The following GTF2F2 variants were observed in gnomAD, a reference collection of about 807,000 sequenced individuals.
GTF2F2 encodes the protein ATP-dependent helicase GTF2F2.
Under a neutral mutation model 42.2 loss-of-function variants are expected in GTF2F2, and 23 were observed. The ratio of observed to expected loss-of-function variants is 0.55; its 90% confidence interval spans 0.39 to 0.77. The LOEUF is 0.77. Ranked by LOEUF, GTF2F2 falls within the 30% of genes least tolerant of loss-of-function variation. The pLI is 0.00. For synonymous variants in GTF2F2, 105 were observed against 100.8 expected (o/e 1.04, Z -0.25); for missense variants, 261 against 287.2 (o/e 0.91, Z 0.66).
chr13:45,146,188 G>A (rs928040955), intron 2 of GTF2F2, among the ~76,000 whole-genome samples: 22 of 152,022 alleles, frequency 1.4e-4, no homozygotes, highest in African/African-American at 5.3e-4. Flanking sequence ...TTCAGTTAGG[G>A]GAAGTATGAA....
chr13:45,185,729 T>C (rs1285975084), intron 4 of GTF2F2, among the ~76,000 whole-genome samples: 1 of 152,222 alleles, frequency 6.6e-6, no homozygotes, highest in Non-Finnish European at 1.5e-5. Context: ...CAATTAAAGA[T>C]TGTTTTTTAA....
At chr13:45,173,369 CTGTG>C (rs374858973) in intron 4 of GTF2F2, among the ~76,000 whole-genome samples, 84 of 147,408 alleles carry the variant, frequency 5.7e-4, no homozygotes, top group Non-Finnish European at 9.2e-4. Context: ...TTGTACTTAA[CTGTG>C]TGTGTGTGTG....
At chr13:45,247,614 G>C (rs1483510321) in intron 5 of GTF2F2, among the ~76,000 whole-genome samples, 1 of 151,912 alleles carries the variant, frequency 6.6e-6, no homozygotes, top group Non-Finnish European at 1.5e-5. Context: ...GGATGGTCTC[G>C]ATCTGACCTC....
chr13:45,151,334 T>C (rs1870481812), intron 3 of GTF2F2, among the ~76,000 whole-genome samples: 2 of 152,188 alleles, frequency 1.3e-5, no homozygotes, highest in African/African-American at 4.8e-5. Flanking sequence ...CCCATTATTC[T>C]GACAAATGGG....
intron 5 of GTF2F2, among the ~76,000 whole-genome samples, chr13:45,236,543 C>T (rs1460034425): frequency 6.6e-6 from 1 of 150,444 alleles, no homozygotes; most frequent in Non-Finnish European, 1.5e-5. Flanking sequence ...TTATGAGGCT[C>T]AGTGTAGATA....
intron 1 of GTF2F2, among the ~76,000 whole-genome samples, chr13:45,123,808 T>G (rs1234243391): frequency 6.6e-6 from 1 of 151,364 alleles, no homozygotes; most frequent in Non-Finnish European, 1.5e-5. Context: ...TTTTTTTTTT[T>G]TTGGCTGAGC....
At chr13:45,272,535 G>A (rs1663584484) in intron 7 of GTF2F2, among the ~76,000 whole-genome samples, 2 of 151,126 alleles carry the variant, frequency 1.3e-5, no homozygotes, top group Admixed American at 1.3e-4. Context: ...TTGAGCTCAG[G>A]AGTTCAAGAC....
In GTF2F2 at chr13:45,275,301, TTTA is replaced by T. The variant is rs374043984; in HGVS notation, c.630+7946_630+7948del. On this transcript the variant is annotated intron_variant, in intron 7 of 7. Coordinates refer to ENST00000340473, the MANE Select transcript of GTF2F2 (RefSeq NM_004128.3). ...ATCAAGTTCTGGATATAAAATGGTG[TTTA>T]TTATTATTATTATTATTATTTAAGT... 1.6e-4 allele frequency among the ~76,000 whole-genome samples: 24 copies of T among 151,610 alleles called. No homozygotes were observed. In the South Asian group the frequency reaches 1.7e-3, roughly 11 times the overall value.
intron 5 of GTF2F2, among the ~76,000 whole-genome samples, chr13:45,215,819 G>A (rs1389706891): frequency 6.6e-6 from 1 of 151,896 alleles, no homozygotes; most frequent in Non-Finnish European, 1.5e-5. Context: ...GAAACTCAGT[G>A]GTAGAGATCA....
chr13:45,129,301 C>G (rs1404743514), intron 1 of GTF2F2, among the ~76,000 whole-genome samples: 4 of 152,336 alleles, frequency 2.6e-5, no homozygotes, highest in South Asian at 2.1e-4. Context: ...CTCGACCTCC[C>G]TGGGCTTAAG....
intron 4 of GTF2F2, among the ~76,000 whole-genome samples, chr13:45,153,387 T>TC (rs1339960629): frequency 6.6e-6 from 1 of 152,182 alleles, no homozygotes; most frequent in African/African-American, 2.4e-5. Flanking sequence ...TTCTTTTTTT[T>TC]CTTGGATGTA....
chr13:45,272,765 A>C (rs1398504235), intron 7 of GTF2F2, among the ~76,000 whole-genome samples: 4 of 147,622 alleles, frequency 2.7e-5, no homozygotes, highest in African/African-American at 9.9e-5. Flanking sequence ...TAAAGAGACA[A>C]GGTCTCCTGC....
chr13:45,165,038 A>C (rs1432685987), intron 4 of GTF2F2, among the ~76,000 whole-genome samples: 1 of 152,158 alleles, frequency 6.6e-6, no homozygotes, highest in African/African-American at 2.4e-5. Flanking sequence ...TATAGCTGCT[A>C]TAGCTGTTTT....
At chr13:45,194,528 A>T (rs759102946) in intron 4 of GTF2F2, 2 of 1,611,982 alleles carry the variant, frequency 1.2e-6, no homozygotes, top group Non-Finnish European at 1.7e-6. Context: ...TTCCCTTCAT[A>T]CTCCTTTTCT....
At chr13:45,185,649 T>C (rs1175853940) in intron 4 of GTF2F2, among the ~76,000 whole-genome samples, 1 of 152,232 alleles carries the variant, frequency 6.6e-6, no homozygotes, top group Non-Finnish European at 1.5e-5. Flanking sequence ...TTAATTAGTT[T>C]GATTAGCCAC....
At chr13:45,240,787 C>T (rs192275326) in intron 5 of GTF2F2, among the ~76,000 whole-genome samples, 81 of 151,748 alleles carry the variant, frequency 5.3e-4, no homozygotes, top group Non-Finnish European at 1.0e-3. Flanking sequence ...GAGATCGCAC[C>T]GTTGTACTCC....
At chr13:45,217,813 A>G (rs1460223925) in intron 5 of GTF2F2, among the ~76,000 whole-genome samples, 1 of 152,154 alleles carries the variant, frequency 6.6e-6, no homozygotes, top group African/African-American at 2.4e-5. Flanking sequence ...AAGTATGGAA[A>G]GTTTGTCTTT....
At chr13:45,240,050 A>C (rs1285039702) in intron 5 of GTF2F2, among the ~76,000 whole-genome samples, 1 of 149,490 alleles carries the variant, frequency 6.7e-6, no homozygotes, top group Non-Finnish European at 1.5e-5. Flanking sequence ...TCTTATGAAG[A>C]TGCTAGTTTT....
chr13:45,235,041 C>CAAAAAA (rs61077504), intron 5 of GTF2F2, among the ~76,000 whole-genome samples: 31 of 43,718 alleles, frequency 7.1e-4, no homozygotes, highest in African/African-American at 1.6e-3. Flanking sequence ...GCGGGAAACT[C>CAAAAAA]AAAAAAAAAA....
Sources: gnomAD v4.1 joint callset for allele counts (sites outside exome capture counted in the v4.1 genomes callset) on GRCh38, gnomAD v4.1.1 for gene constraint, MANE v1.5 for transcripts, NCBI Gene and HGNC (gene_info 2026-07-23, HGNC 2026-07-21) for gene names.